Variants in CSMD1 observed in about 807,000 individuals in gnomAD.
CSMD1 encodes the protein CUB and sushi domain-containing protein 1.
CSMD1 carries 213 observed loss-of-function variants against 417.5 expected under a neutral mutation model. The ratio of observed to expected loss-of-function variants is 0.51; its 90% CI spans 0.46 to 0.57. The LOEUF is 0.57. Among genes scored for constraint, CSMD1 ranks in the 20% least tolerant of loss-of-function variants. The probability of loss-of-function intolerance (pLI) is 0.00; values close to 1 mark genes in which losing one functional copy is unlikely to be tolerated. For missense variants in CSMD1, 6,923 were observed against 4,529.7 expected (o/e 1.53, Z -15.17); for synonymous variants, 2,862 against 1,736.8 (o/e 1.65, Z -16.11).
At chr8:4,830,354 G>A (rs1800078819) in intron 1 of CSMD1, among the ~76,000 whole-genome samples, 1 of 152,164 alleles carries the variant, frequency 6.6e-6, no homozygotes, top group East Asian at 1.9e-4. Context: ...TGACACATTA[G>A]AGATAATTGA....
intron 2 of CSMD1, among the ~76,000 whole-genome samples, chr8:4,446,027 A>G (rs1270989993): frequency 6.6e-6 from 1 of 152,150 alleles, no homozygotes; most frequent in African/African-American, 2.4e-5. Flanking sequence ...GCCAACTCTT[A>G]GGAACTTGAC....
In CSMD1 at chr8:3,289,699, G is replaced by T. The variant is rs751170042; in HGVS notation, c.3951-5353C>A. On this transcript the variant is annotated intron_variant, in intron 25 of 69. Transcript: ENST00000635120. ...TTTGTTTTTTTCTTGAAAATTTGTTGGAGTTCATTGTAGATTCTGGATATT... is the reference window on the plus strand; with the variant it reads ...TTTGTTTTTTTCTTGAAAATTTGTTTGAGTTCATTGTAGATTCTGGATATT... Among the ~76,000 whole-genome samples the T allele has an allele frequency of 1.3e-3, 195 of 146,896 alleles. 35 individuals carry two copies. The highest frequency in any genetic ancestry group is 4.7e-3 in the African/African-American group (174 of 36,904).
At chr8:3,549,974 T>A (rs1168302420) in intron 10 of CSMD1, among the ~76,000 whole-genome samples, 1 of 152,192 alleles carries the variant, frequency 6.6e-6, no homozygotes, top group African/African-American at 2.4e-5. Context: ...GATCTAGACA[T>A]AAAGAGTTAA....
intron 4 of CSMD1, among the ~76,000 whole-genome samples, chr8:4,026,980 T>G (rs1351735879): frequency 6.6e-6 from 1 of 152,176 alleles, no homozygotes; most frequent in African/African-American, 2.4e-5. Context: ...TGCCAATTCT[T>G]ATGCTGTAGT....
chr8:3,032,771 C>CCT (rs1810427668), intron 50 of CSMD1, among the ~76,000 whole-genome samples: 1 of 152,014 alleles, frequency 6.6e-6, no homozygotes, highest in Admixed American at 6.6e-5. Flanking sequence ...GCATCCTCAA[C>CCT]CTCTACCTTA....
intron 6 of CSMD1, among the ~76,000 whole-genome samples, chr8:3,721,013 G>T (rs1406942196): frequency 1.3e-5 from 2 of 151,950 alleles, no homozygotes; most frequent in Non-Finnish European, 2.9e-5. Context: ...AGTACAGACG[G>T]GGTTTCACCA....
intron 6 of CSMD1, among the ~76,000 whole-genome samples, chr8:3,713,049 AG>A (rs1801619304): frequency 6.6e-6 from 1 of 152,200 alleles, no homozygotes; most frequent in South Asian, 2.1e-4. Flanking sequence ...ATTCCCCAAA[AG>A]CAACAAACAA....
At chr8:4,040,686 G>A (rs1198858076) in intron 3 of CSMD1, among the ~76,000 whole-genome samples, 1 of 152,106 alleles carries the variant, frequency 6.6e-6, no homozygotes, top group Non-Finnish European at 1.5e-5. Context: ...TCAAGCTCTC[G>A]AGGCAAATTC....
chr8:2,972,776 T>C (rs984541212), intron 57 of CSMD1, among the ~76,000 whole-genome samples: 1 of 152,190 alleles, frequency 6.6e-6, no homozygotes, highest in African/African-American at 2.4e-5. Context: ...TGATCTGCAT[T>C]GGTCCTGCTC....
intron 6 of CSMD1, among the ~76,000 whole-genome samples, chr8:3,737,576 A>G (rs1197699163): frequency 1.3e-5 from 2 of 152,116 alleles, no homozygotes; most frequent in African/African-American, 4.8e-5. Flanking sequence ...ATATCCTCCT[A>G]TGTCATTTAA....
chr8:3,292,334 C>T (rs925362390), intron 25 of CSMD1, among the ~76,000 whole-genome samples: 1 of 152,058 alleles, frequency 6.6e-6, no homozygotes, highest in Non-Finnish European at 1.5e-5. Context: ...CTGTAGATGT[C>T]TATTAGGTCC....
chr8:3,817,161 A>G (rs1437837059), intron 5 of CSMD1, among the ~76,000 whole-genome samples: 1 of 150,982 alleles, frequency 6.6e-6, no homozygotes, highest in Admixed American at 6.6e-5. Context: ...CTCGAGTAGA[A>G]AGAGACGACC....
At chr8:3,553,485 C>G (rs2116798851) in intron 10 of CSMD1, among the ~76,000 whole-genome samples, 1 of 152,280 alleles carries the variant, frequency 6.6e-6, no homozygotes, top group East Asian at 1.9e-4. Flanking sequence ...AGAAGATATT[C>G]CTAAGACAGC....
At chr8:3,403,220 T>G (rs1161538) in intron 15 of CSMD1, among the ~76,000 whole-genome samples, 41,198 of 152,118 alleles carry the variant, frequency 0.27, 6,132 homozygotes, top group East Asian at 0.35. Flanking sequence ...TAAATAAGAG[T>G]ATTCTGTAAG....
chr8:4,209,879 G>A (rs1800205566), intron 3 of CSMD1, among the ~76,000 whole-genome samples: 1 of 152,194 alleles, frequency 6.6e-6, no homozygotes. Flanking sequence ...GAATGTAGGT[G>A]GTAACTTCTG....
intron 1 of CSMD1, among the ~76,000 whole-genome samples, chr8:4,940,284 T>G (rs4427198): frequency 0.5 from 76,216 of 151,812 alleles, 20,295 homozygotes; most frequent in East Asian, 0.79. Context: ...GAGTGGAAAA[T>G]GCAGAGTAAA....
chr8:3,046,981 G>A (rs80277237), intron 50 of CSMD1, among the ~76,000 whole-genome samples: 38,530 of 151,978 alleles, frequency 0.25, 5,679 homozygotes, highest in East Asian at 0.36. Context: ...AGGCCGAGGC[G>A]GGTGAATCAT....
At chr8:4,115,843 A>G (rs1032013264) in intron 3 of CSMD1, among the ~76,000 whole-genome samples, 2 of 152,130 alleles carry the variant, frequency 1.3e-5, no homozygotes, top group Non-Finnish European at 2.9e-5. Flanking sequence ...GAAAAGGTAC[A>G]TACTGCATGA....
At chr8:3,970,682 A>C (rs550244654) in intron 5 of CSMD1, among the ~76,000 whole-genome samples, 5 of 152,290 alleles carry the variant, frequency 3.3e-5, no homozygotes, top group East Asian at 3.9e-4. Context: ...ACCTCTAATA[A>C]AATGTATATT....
Sources: allele counts gnomAD v4.1 joint callset (sites outside exome capture counted in the v4.1 genomes callset), GRCh38; gene constraint gnomAD v4.1.1; transcripts MANE v1.5; gene names NCBI Gene and HGNC (gene_info 2026-07-23, HGNC 2026-07-21).